HTR3B: variants seen among roughly 807,000 people sequenced by gnomAD.
HTR3B encodes the protein 5-hydroxytryptamine receptor 3B, also known as 5-hydroxytryptamine (serotonin) receptor 3B, ionotropic.
In HTR3B, 44 loss-of-function variants were observed where a neutral mutation model predicts 42.8. That is an observed-to-expected ratio of 1.03 (90% CI 0.81 to 1.32). The LOEUF (loss-of-function observed/expected upper bound fraction) is 1.32, where lower values mean the gene tolerates loss of function less well. HTR3B is among the 40% of genes most tolerant of loss of function. The pLI, the probability that HTR3B is intolerant of heterozygous loss-of-function variation, is 0.00. For missense variants in HTR3B, 527 were observed against 536.5 expected (o/e 0.98, Z 0.17); for synonymous variants, 203 against 209.0 (o/e 0.97, Z 0.25).
upstream of HTR3B, among the ~76,000 whole-genome samples, chr11:113,903,432 T>TC (rs1311651746): frequency 2.7e-5 from 4 of 147,134 alleles, no homozygotes; most frequent in African/African-American, 5.0e-5. Flanking sequence ...TCTTTTCTTT[T>TC]TTTTTTTTTT....
intron 6 of HTR3B, among the ~76,000 whole-genome samples, chr11:113,938,340 C>T (rs761510977): frequency 2.0e-5 from 3 of 152,142 alleles, no homozygotes; most frequent in Non-Finnish European, 4.4e-5. Flanking sequence ...ATTCCAGTGT[C>T]AACTCTTAAG....
intron 2 of HTR3B, among the ~76,000 whole-genome samples, chr11:113,916,936 C>T (rs1949859537): frequency 6.6e-6 from 1 of 152,012 alleles, no homozygotes; most frequent in African/African-American, 2.4e-5. Flanking sequence ...TAGATTCTTT[C>T]AGATTTTCTG....
chr11:113,939,493 A>G (rs1950117033), intron 6 of HTR3B, among the ~76,000 whole-genome samples: 1 of 152,014 alleles, frequency 6.6e-6, no homozygotes. Context: ...AAGCCTGCCT[A>G]CCTCCTAACC....
At chr11:113,940,307 TC>T (rs1280982677) in intron 6 of HTR3B, among the ~76,000 whole-genome samples, 2 of 152,198 alleles carry the variant, frequency 1.3e-5, no homozygotes, top group Non-Finnish European at 2.9e-5. Flanking sequence ...TGTTCCCATT[TC>T]TACCCTCCAG....
At position 113,948,723 on chromosome 11, in the gene HTR3B, C is replaced by T. The variant is rs190793204; in HGVS notation, c.*2586C>T. On this transcript the variant is annotated 3_prime_UTR_variant, in exon 9 of 9. Transcript: ENST00000260191. ...TACTAAAAATACAAAATTAGCCAGG[C>T]GTGGTGGCACATGCCTGTAATCCCA... is the stretch of plus-strand genomic sequence containing the variant. Among the ~76,000 whole-genome samples the T allele has an allele frequency of 2.8e-3, 433 of 152,192 alleles. 2 individuals carry two copies. The highest frequency in any genetic ancestry group is 0.01 in the Middle Eastern group (3 of 292).
intron 2 of HTR3B, among the ~76,000 whole-genome samples, chr11:113,922,962 C>T (rs1414718221): frequency 6.6e-6 from 1 of 152,136 alleles, no homozygotes; most frequent in African/African-American, 2.4e-5. Context: ...TTCATATTTT[C>T]CATAACATGC....
intron 2 of HTR3B, among the ~76,000 whole-genome samples, chr11:113,912,937 T>C (rs1053070366): frequency 1.0e-4 from 15 of 150,702 alleles, no homozygotes; most frequent in African/African-American, 3.4e-4. Context: ...GAGCTATTTA[T>C]ACATTCTGGG....
rs753550745 is a variant in HTR3B at position 113,909,434 on chromosome 11, C to T, written c.192C>T (p.Phe64=). The T allele has an allele frequency of 8.1e-6, 13 of 1,613,922 alleles. No individual in the cohort carries two copies. The South Asian group carries it at 8.8e-5, about 11-fold the overall frequency. Residue 64 remains phenylalanine (F), a synonymous_variant, in exon 2 of 9, where the codon TTC becomes TTT. Transcript: ENST00000260191. ...CCACCACAGTCTACCTGGACCTGTT[C>T]GTCCATGCTATATTGGATGTGGTAA... ...TKATTVYLDL[F]VHAILDVDAE... is the part of the protein sequence containing the mutation.
intron 2 of HTR3B, among the ~76,000 whole-genome samples, chr11:113,926,502 C>CCTTTG (rs1949975544): frequency 1.4e-5 from 2 of 145,528 alleles, no homozygotes; most frequent in Non-Finnish European, 1.5e-5. Context: ...CCTTTCCTTT[C>CCTTTG]CTTTCCTTTC....
intron 2 of HTR3B, among the ~76,000 whole-genome samples, chr11:113,917,692 C>T (rs1490272522): frequency 6.6e-6 from 1 of 152,144 alleles, no homozygotes; most frequent in African/African-American, 2.4e-5. Context: ...GCAGCCTCAA[C>T]CTCCTGGGCT....
intron 4 of HTR3B, 114 bp from the exon 5 acceptor site, chr11:113,932,175 T>C (rs1490904169): frequency 3.6e-6 from 3 of 828,504 alleles, no homozygotes; most frequent in Non-Finnish European, 5.9e-6. Flanking sequence ...GATTCTGTTT[T>C]GCAGGGCTAG....
At chr11:113,902,263 A>G (rs1165666926), upstream of HTR3B, among the ~76,000 whole-genome samples, 1 of 152,124 alleles carries the variant, frequency 6.6e-6, no homozygotes, top group African/African-American at 2.4e-5. Context: ...AGTTAGCGAC[A>G]TGATCAACAT....
rs746993257 is a variant in HTR3B at position 113,931,416 on chromosome 11, A to G, written c.246A>G (p.Val82=). Residue 82 remains valine, a synonymous_variant, in exon 3 of 9, where the codon GTA becomes GTG. Coordinates refer to ENST00000260191, the MANE Select transcript of HTR3B (RefSeq NM_006028.5). ...AGAATCAAATATTAAAGACAAGTGT[A>G]TGGTACCAAGAGGTAAATAATTATG... The part of the protein sequence containing the change: ...DAENQILKTS[V]WYQEVWNDEF... The G allele has an allele frequency of 1.9e-6, 3 of 1,596,904 alleles. No homozygotes were observed. The highest frequency in any genetic ancestry group is 2.6e-6 in the Non-Finnish European group (3 of 1,168,500).
At chr11:113,940,818 C>T (rs1950129172) in intron 6 of HTR3B, among the ~76,000 whole-genome samples, 1 of 152,218 alleles carries the variant, frequency 6.6e-6, no homozygotes, top group South Asian at 2.1e-4. Context: ...TGCACTTCAT[C>T]TCTGCCCTGG....
rs944885305 is a variant in HTR3B at position 113,910,000 on chromosome 11, A to AC, written c.213+545_213+546insC. ...CCTTGTCTCCAAAAAAAAAAAAAAA[A>AC]AAAAAAAAAACTTGTGGTCATGGAT... is the stretch of plus-strand genomic sequence containing the variant. On this transcript the variant is annotated intron_variant, in intron 2 of 8. Transcript: ENST00000260191. Among the ~76,000 whole-genome samples, 12 of 151,666 alleles carry AC rather than the reference A, an allele frequency of 7.9e-5. No homozygotes were observed. In the East Asian group the frequency reaches 1.9e-3, roughly 24 times the overall value.
intron 2 of HTR3B, among the ~76,000 whole-genome samples, chr11:113,924,624 C>CAAA (rs34212177): frequency 0.034 from 1,740 of 51,884 alleles, 127 homozygotes; most frequent in Admixed American, 0.052. Context: ...GACCTTGTCT[C>CAAA]AAAAAAAAAA....
chr11:113,945,061 T>C (rs1392474348), intron 8 of HTR3B, among the ~76,000 whole-genome samples: 1 of 152,080 alleles, frequency 6.6e-6, no homozygotes, highest in Non-Finnish European at 1.5e-5. Context: ...CTCCTTTGCC[T>C]CCCAAAGTGC....
chr11:113,937,960 C>T (rs937929555), intron 6 of HTR3B, among the ~76,000 whole-genome samples: 1 of 152,174 alleles, frequency 6.6e-6, no homozygotes, highest in Non-Finnish European at 1.5e-5. Flanking sequence ...GGAGAATCTG[C>T]TCCTTGCCTC....
At chr11:113,928,644 C>T (rs1251201752) in intron 2 of HTR3B, among the ~76,000 whole-genome samples, 1 of 152,172 alleles carries the variant, frequency 6.6e-6, no homozygotes, top group Non-Finnish European at 1.5e-5. Flanking sequence ...TCAAGCAATT[C>T]TCCTGCCTCA....
Sources: allele counts gnomAD v4.1 joint callset (sites outside exome capture counted in the v4.1 genomes callset), GRCh38; gene constraint gnomAD v4.1.1; transcripts MANE v1.5; gene names NCBI Gene and HGNC (gene_info 2026-07-23, HGNC 2026-07-21).